Variants in PTPRD observed in about 807,000 individuals in gnomAD.
The protein encoded by PTPRD is receptor-type tyrosine-protein phosphatase delta.
In PTPRD, 34 loss-of-function variants were observed where a neutral mutation model predicts 214.5. The observed-to-expected ratio is 0.16, with a 90% CI of 0.12 to 0.21. PTPRD has a LOEUF of 0.21. Ranked by LOEUF, PTPRD falls within the 10% of genes least tolerant of loss-of-function variation. The pLI, the probability that PTPRD is intolerant of heterozygous loss-of-function variation, is 1.00. For missense variants in PTPRD, 2,545 were observed against 2,398.7 expected (o/e 1.06, Z -1.27); for synonymous variants, 1,128 against 845.7 (o/e 1.33, Z -5.79).
At chr9:9,502,811 G>A (rs1419587642) in intron 8 of PTPRD, among the ~76,000 whole-genome samples, 2 of 151,854 alleles carry the variant, frequency 1.3e-5, no homozygotes, top group Non-Finnish European at 2.9e-5. Context: ...TTGAAGCAAA[G>A]AAGCTACATG....
rs184765202 is a variant in PTPRD, at chr9:8,316,491, C to G, written c.*1383G>C. ...TATCATAAATGCAAATTTCATAGCA[C>G]ATACTATAGACAATATACGATTGAA... On this transcript the variant is annotated 3_prime_UTR_variant, in exon 46 of 46. Transcript: ENST00000381196. 2.6e-5 allele frequency: 6 copies of G among 230,250 alleles called. No homozygotes were observed. Among genetic ancestry groups the G allele is most frequent in the Middle Eastern group, 1.3e-3 (1 of 770 alleles). 14.3% of individuals were successfully genotyped at this position (230,250 alleles called of 1,614,324 possible).
intron 2 of PTPRD, among the ~76,000 whole-genome samples, chr9:10,344,099 T>G (rs1375806166): frequency 6.6e-6 from 1 of 150,734 alleles, no homozygotes; most frequent in African/African-American, 2.4e-5. Flanking sequence ...ATGAAGTCCT[T>G]GCCCATGCCT....
At chr9:10,195,098 A>ATTTTTTTTTTTTTTTTTTTT (rs34900305) in intron 3 of PTPRD, among the ~76,000 whole-genome samples, 12 of 97,910 alleles carry the variant, frequency 1.2e-4, no homozygotes, top group Non-Finnish European at 1.5e-4. Context: ...ATACCCGGCT[A>ATTTTTTTTTTTTTTTTTTTT]TTTTTTTTTT....
intron 9 of PTPRD, among the ~76,000 whole-genome samples, chr9:9,301,723 A>C (rs1039727005): frequency 2.0e-5 from 3 of 151,912 alleles, no homozygotes; most frequent in Non-Finnish European, 4.4e-5. Context: ...TCTGGCTATA[A>C]AATTGTATTG....
chr9:9,972,150 A>G (rs1349970429), intron 4 of PTPRD, among the ~76,000 whole-genome samples: 1 of 151,462 alleles, frequency 6.6e-6, no homozygotes, highest in Non-Finnish European at 1.5e-5. Flanking sequence ...AGTCAGAAAC[A>G]TGACTTTGAA....
intron 12 of PTPRD, among the ~76,000 whole-genome samples, chr9:8,668,385 A>T (rs2097210620): frequency 6.6e-6 from 1 of 152,216 alleles, no homozygotes. Flanking sequence ...GTTTCATTCT[A>T]ATTACATGCA....
chr9:10,570,896 T>C (rs2067220088), intron 2 of PTPRD, among the ~76,000 whole-genome samples: 1 of 150,478 alleles, frequency 6.6e-6, no homozygotes, highest in African/African-American at 2.5e-5. Context: ...TTTTTTTTTG[T>C]ACAGGGTTAC....
chr9:8,809,273 G>C (rs894929406), intron 11 of PTPRD, among the ~76,000 whole-genome samples: 1 of 152,118 alleles, frequency 6.6e-6, no homozygotes, highest in Non-Finnish European at 1.5e-5. Flanking sequence ...TGTTTATACA[G>C]TTCTTTGCCA....
chr9:9,137,395 T>C (rs2099852589), intron 10 of PTPRD, among the ~76,000 whole-genome samples: 1 of 152,176 alleles, frequency 6.6e-6, no homozygotes, highest in Non-Finnish European at 1.5e-5. Flanking sequence ...GTTTGAGAAG[T>C]TGTAAAGTTA....
At chr9:10,192,560 T>C (rs1377808921) in intron 3 of PTPRD, among the ~76,000 whole-genome samples, 1 of 151,746 alleles carries the variant, frequency 6.6e-6, no homozygotes, top group Non-Finnish European at 1.5e-5. Context: ...AGGACAGTGA[T>C]GGTACTTAGA....
chr9:10,094,474 A>G (rs2098463135), intron 3 of PTPRD, among the ~76,000 whole-genome samples: 1 of 150,940 alleles, frequency 6.6e-6, no homozygotes, highest in African/African-American at 2.4e-5. Flanking sequence ...GATCTAAGAA[A>G]CCAGAGCAAC....
chr9:9,324,534 G>T (rs1451470644), intron 9 of PTPRD, among the ~76,000 whole-genome samples: 3 of 152,126 alleles, frequency 2.0e-5, no homozygotes, highest in Admixed American at 6.6e-5. Flanking sequence ...TTTTGATGGG[G>T]TTGTTTGATT....
At chr9:9,175,089 C>T (rs2099923828) in intron 10 of PTPRD, among the ~76,000 whole-genome samples, 1 of 152,136 alleles carries the variant, frequency 6.6e-6, no homozygotes, top group Non-Finnish European at 1.5e-5. Context: ...ACCAAATTTG[C>T]CAGCACTTTG....
At chr9:9,414,355 T>G (rs1041462479) in intron 8 of PTPRD, among the ~76,000 whole-genome samples, 2 of 152,186 alleles carry the variant, frequency 1.3e-5, no homozygotes, top group African/African-American at 4.8e-5. Flanking sequence ...AGAGGCAAGA[T>G]TGGCAAGGAT....
At chr9:8,484,688 G>A (rs2096961100) in intron 29 of PTPRD, among the ~76,000 whole-genome samples, 1 of 134,956 alleles carries the variant, frequency 7.4e-6, no homozygotes, top group East Asian at 2.1e-4. Context: ...TGGAATATGT[G>A]CAGAAAAGCT....
chr9:10,238,041 T>A (rs200139101), intron 3 of PTPRD, among the ~76,000 whole-genome samples: 3,609 of 151,362 alleles, frequency 0.024, 62 homozygotes, highest in Non-Finnish European at 0.038. Context: ...CTTTTTTTTT[T>A]AAAAATCCTT....
chr9:10,603,501 C>G (rs1449694270), intron 2 of PTPRD, among the ~76,000 whole-genome samples: 2 of 151,882 alleles, frequency 1.3e-5, no homozygotes, highest in Non-Finnish European at 2.9e-5. Flanking sequence ...ATAACTGTAG[C>G]ATTTACCTTC....
chr9:8,320,798 C>G (rs1587341862), intron 44 of PTPRD, among the ~76,000 whole-genome samples: 1 of 151,990 alleles, frequency 6.6e-6, no homozygotes, highest in African/African-American at 2.4e-5. Context: ...TTCACGGTAG[C>G]AAGAAAGAAA....
chr9:8,498,939 T>G (rs1263421238), intron 25 of PTPRD, among the ~76,000 whole-genome samples: 2 of 152,162 alleles, frequency 1.3e-5, no homozygotes, highest in Non-Finnish European at 2.9e-5. Flanking sequence ...AACAACTAAT[T>G]ATAAAACCGG....
Sources: allele counts gnomAD v4.1 joint callset (sites outside exome capture counted in the v4.1 genomes callset), GRCh38; gene constraint gnomAD v4.1.1; transcripts MANE v1.5; gene names NCBI Gene and HGNC (gene_info 2026-07-23, HGNC 2026-07-21).